The following SPTBN4 variants were observed in gnomAD, a reference collection of about 807,000 sequenced individuals.
SPTBN4 encodes the protein spectrin beta chain, non-erythrocytic 4.
Under a neutral mutation model 277.8 loss-of-function variants are expected in SPTBN4, and 96 were observed. The observed-to-expected ratio is 0.35, with a 90% confidence interval of 0.29 to 0.41. SPTBN4 has a LOEUF of 0.41. Among genes scored for constraint, SPTBN4 ranks in the 10% least tolerant of loss-of-function variants. SPTBN4 has a pLI of 1.00. For synonymous variants in SPTBN4, 1,481 were observed against 1,580.3 expected (o/e 0.94, Z 1.49); for missense variants, 3,006 against 3,595.7 (o/e 0.84, Z 4.19).
intron 5 of SPTBN4, 120 bp downstream of exon 5, chr19:40,493,174 T>C (rs1393510203): frequency 5.2e-6 from 4 of 768,786 alleles, no homozygotes; most frequent in African/African-American, 1.7e-5. Flanking sequence ...AAGTTACATC[T>C]GAAACTAACC....
Position 40,515,865 on chromosome 19 carries a change from C to T in SPTBN4, c.2903+417C>T, listed in dbSNP as rs1294910199. Among the ~76,000 whole-genome samples, 1 of 140,894 alleles carries T rather than the reference C, an allele frequency of 7.1e-6. No individual in the cohort carries two copies. Among genetic ancestry groups the T allele is most frequent in the Non-Finnish European group, 1.5e-5 (1 of 65,790 alleles). 92.4% of individuals were successfully genotyped at this position (140,894 alleles called of 152,430 possible). ...TGGTGAAACCCCGTCTCTCTCTCTA[C>T]GTGCGCGCACACACACACACACACA... On this transcript the variant is annotated intron_variant, in intron 15 of 35. Coordinates refer to ENST00000598249, the MANE Select transcript of SPTBN4 (RefSeq NM_020971.3). This position sits in a 1 kb window ranked among gnomAD's most constrained non-coding sequence, Gnocchi z 4.1.
chr19:40,551,399 TCACACA>T (rs71173651), intron 22 of SPTBN4, among the ~76,000 whole-genome samples: 5 of 140,572 alleles, frequency 3.6e-5, no homozygotes, highest in African/African-American at 1.3e-4. Context: ...TCTCTCTCTC[TCACACA>T]CACACACACA....
At chr19:40,530,239 G>A (rs563919394) in intron 18 of SPTBN4, among the ~76,000 whole-genome samples, 6 of 152,002 alleles carry the variant, frequency 3.9e-5, no homozygotes, top group Non-Finnish European at 8.8e-5. Context: ...CCAAGCCCCA[G>A]GCGCTCCCTC....
chr19:40,569,774 A>G, intron 32 of SPTBN4, 48 bp downstream of exon 32: 1 of 1,554,096 alleles, frequency 6.4e-7, no homozygotes, highest in Non-Finnish European at 8.7e-7. Flanking sequence ...CCTTTTTCAG[A>G]GCAGGAGGCA....
chr19:40,504,501 T>A (rs1010142293), intron 12 of SPTBN4, among the ~76,000 whole-genome samples: 5 of 152,032 alleles, frequency 3.3e-5, no homozygotes, highest in Non-Finnish European at 7.4e-5. Flanking sequence ...ACCCCATCTC[T>A]ACTAAAAATA....
At chr19:40,567,611 A>ACCCCCC in intron 30 of SPTBN4, 52 bp from the exon 31 acceptor site, 7 of 1,190,486 alleles carry the variant, frequency 5.9e-6, no homozygotes, top group South Asian at 1.7e-5. Context: ...CCTCCCCCTT[A>ACCCCCC]CCCCGCCCCG....
intron 35 of SPTBN4, chr19:40,572,619 C>T (rs2081165460): frequency 2.5e-5 from 14 of 559,836 alleles, no homozygotes; most frequent in Middle Eastern, 9.2e-4. Flanking sequence ...AACATCTTTG[C>T]CGTGGTCACT....
chr19:40,554,474 G>A lies in SPTBN4; in HGVS notation c.4954-42G>A. ...AGGGCCTGGGGGCGCTGGAGCCGGGGGCCGCCGCTGCCGCCTCATCGTGGG... is the reference window on the plus strand; with the variant it reads ...AGGGCCTGGGGGCGCTGGAGCCGGGAGCCGCCGCTGCCGCCTCATCGTGGG... On this transcript the variant is annotated intron_variant, in intron 23 of 35. Coordinates refer to ENST00000598249, the MANE Select transcript of SPTBN4 (RefSeq NM_020971.3). The surrounding 1 kb of genome is among the most constrained non-coding windows in gnomAD (Gnocchi z 5.7). The A allele has an allele frequency of 6.7e-7, 1 of 1,490,064 alleles. No homozygotes were observed. The highest frequency in any genetic ancestry group is 2.5e-5 in the East Asian group (1 of 40,366). The allele number at this position is 1,490,064 out of a possible 1,614,324, so 92.3% of individuals were successfully genotyped here.
intron 26 of SPTBN4, 62 bp downstream of exon 26, chr19:40,557,465 G>A (rs116577461): frequency 1.3e-6 from 2 of 1,487,214 alleles, no homozygotes; most frequent in African/African-American, 1.4e-5. Context: ...GCAGCAGAGT[G>A]GGCAAAAATC....
At chr19:40,565,876 G>T in intron 29 of SPTBN4, 131 bp downstream of exon 29, 1 of 1,046,802 alleles carries the variant, frequency 9.6e-7, no homozygotes, top group Non-Finnish European at 1.4e-6. Flanking sequence ...AAACATAAGG[G>T]CCTGGAAGGG....
intron 20 of SPTBN4, among the ~76,000 whole-genome samples, chr19:40,539,945 G>C (rs189721911): frequency 1.4e-5 from 2 of 139,244 alleles, no homozygotes; most frequent in Admixed American, 7.0e-5. Flanking sequence ...TTTTTTTTTA[G>C]ACCAAGTTTT....
chr19:40,529,467 G>A (rs11673605), intron 18 of SPTBN4, among the ~76,000 whole-genome samples: 13,802 of 152,258 alleles, frequency 0.091, 759 homozygotes, highest in Middle Eastern at 0.14. Context: ...GGGGCGGGGC[G>A]GGCGGTGGGG....
chr19:40,493,905 A>G (rs1269380333), intron 5 of SPTBN4, among the ~76,000 whole-genome samples: 1 of 151,994 alleles, frequency 6.6e-6, no homozygotes, highest in Admixed American at 6.6e-5. Context: ...ACCTGTGTGG[A>G]CCCTCAGTGC....
intron 29 of SPTBN4, 35 bp from the exon 30 acceptor site, chr19:40,566,128 G>T: frequency 6.9e-7 from 1 of 1,459,238 alleles, no homozygotes; most frequent in Non-Finnish European, 9.1e-7. Flanking sequence ...GGCCCCAGAT[G>T]CCCCAGAATC....
At chr19:40,521,704 C>T (rs1568805405) in intron 16 of SPTBN4, among the ~76,000 whole-genome samples, 2 of 152,134 alleles carry the variant, frequency 1.3e-5, no homozygotes, top group African/African-American at 4.8e-5. Context: ...CTCTGTGGCC[C>T]AGGGCTTGGG....
chr19:40,522,158 C>G (rs1269981043), intron 16 of SPTBN4, among the ~76,000 whole-genome samples: 1 of 151,938 alleles, frequency 6.6e-6, no homozygotes, highest in Non-Finnish European at 1.5e-5. Context: ...CTCCAAGTAG[C>G]TGGGACTACA....
intron 20 of SPTBN4, among the ~76,000 whole-genome samples, chr19:40,537,031 A>G (rs2080745876): frequency 6.6e-6 from 1 of 151,726 alleles, no homozygotes. Flanking sequence ...AAAAACTAAA[A>G]CGGAGTCTGG....
intron 2 of SPTBN4, among the ~76,000 whole-genome samples, chr19:40,484,956 A>G (rs1035024364): frequency 4.0e-5 from 6 of 148,520 alleles, no homozygotes; most frequent in African/African-American, 1.5e-4. Context: ...ACAAAAACCA[A>G]AAAACAAAAA....
intron 27 of SPTBN4, among the ~76,000 whole-genome samples, chr19:40,562,501 G>C (rs2081052690): frequency 1.5e-5 from 2 of 133,762 alleles, no homozygotes; most frequent in African/African-American, 2.9e-5. Context: ...CTGCACTCCA[G>C]CCTGGGCAAC....
Sources: allele counts gnomAD v4.1 joint callset (sites outside exome capture counted in the v4.1 genomes callset), GRCh38; gene constraint gnomAD v4.1.1; non-coding constraint Gnocchi (gnomAD v3.1); transcripts MANE v1.5; gene names NCBI Gene and HGNC (gene_info 2026-07-23, HGNC 2026-07-21).